Variants in ACCSL observed in about 807,000 individuals in gnomAD.
ACCSL encodes probable inactive 1-aminocyclopropane-1-carboxylate synthase-like protein 2.
Under a neutral mutation model 61.7 loss-of-function variants are expected in ACCSL, and 55 were observed. The ratio of observed to expected loss-of-function variants is 0.89; its 90% CI spans 0.72 to 1.12. The LOEUF is 1.12. Among genes scored for constraint, ACCSL ranks in the 50% most tolerant of loss-of-function variants. The pLI, the probability that ACCSL is intolerant of heterozygous loss-of-function variation, is 0.00. For synonymous variants in ACCSL, 258 were observed against 264.3 expected (o/e 0.98, Z 0.23); for missense variants, 632 against 698.0 (o/e 0.91, Z 1.07).
chr11:43,928,514 G>A, the ACCSL span, among the ~76,000 whole-genome samples: 219 of 152,272 alleles, frequency 1.4e-3, no homozygotes, highest in Non-Finnish European at 2.4e-3. Flanking sequence ...TACCCCATCC[G>A]AGGAAACAGT....
chr11:43,990,788 C>T, the ACCSL span, among the ~76,000 whole-genome samples: 1 of 152,114 alleles, frequency 6.6e-6, no homozygotes, highest in Non-Finnish European at 1.5e-5. Flanking sequence ...CCCACTAAAG[C>T]CAGGGGTGTG....
the ACCSL span, among the ~76,000 whole-genome samples, chr11:43,962,460 A>G: frequency 6.6e-6 from 1 of 152,206 alleles, no homozygotes; most frequent in Non-Finnish European, 1.5e-5. Context: ...ACAGAGATGA[A>G]AGGAAAAGGC....
the ACCSL span, among the ~76,000 whole-genome samples, chr11:43,970,257 G>A: frequency 6.6e-6 from 1 of 152,150 alleles, no homozygotes; most frequent in African/African-American, 2.4e-5. Flanking sequence ...TCAGGCTGGA[G>A]TGCAGTAGTA....
At chr11:43,921,632 A>T in the ACCSL span, among the ~76,000 whole-genome samples, 1 of 152,204 alleles carries the variant, frequency 6.6e-6, no homozygotes, top group African/African-American at 2.4e-5. Context: ...AAGAACTGGC[A>T]GATGGTTCCA....
At chr11:44,017,196 C>A in the ACCSL span, among the ~76,000 whole-genome samples, 12 of 152,162 alleles carry the variant, frequency 7.9e-5, no homozygotes, top group Non-Finnish European at 4.4e-5. Context: ...TGGGCTGTTC[C>A]AGGATGGCTT....
the ACCSL span, among the ~76,000 whole-genome samples, chr11:44,028,866 T>C: frequency 6.6e-6 from 1 of 152,174 alleles, no homozygotes; most frequent in Non-Finnish European, 1.5e-5. Flanking sequence ...CACAAAGTAG[T>C]AGAAAAATGA....
At chr11:43,940,875 T>G in the ACCSL span, among the ~76,000 whole-genome samples, 1 of 152,212 alleles carries the variant, frequency 6.6e-6, no homozygotes, top group African/African-American at 2.4e-5. Context: ...CTTTGTCCAT[T>G]GCAGGGCAAA....
chr11:44,001,860 C>T, the ACCSL span, among the ~76,000 whole-genome samples: 1 of 149,498 alleles, frequency 6.7e-6, no homozygotes, highest in Non-Finnish European at 1.5e-5. Context: ...CAGGCTCCTT[C>T]TTCCTCCCCA....
chr11:43,935,640 A>T, the ACCSL span, among the ~76,000 whole-genome samples: 1 of 152,326 alleles, frequency 6.6e-6, no homozygotes, highest in Non-Finnish European at 1.5e-5. Flanking sequence ...TCGACAGATG[A>T]CTTTTATTTT....
the ACCSL span, among the ~76,000 whole-genome samples, chr11:43,962,177 T>C: frequency 6.6e-6 from 1 of 151,790 alleles, no homozygotes; most frequent in East Asian, 1.9e-4. Flanking sequence ...GTACTAAGAG[T>C]GAGGCGCTGC....
the ACCSL span, among the ~76,000 whole-genome samples, chr11:43,936,080 C>A: frequency 6.6e-6 from 1 of 152,184 alleles, no homozygotes; most frequent in East Asian, 1.9e-4. Flanking sequence ...GGCTGTCAGG[C>A]CTTTGGAGGA....
chr11:44,002,428 G>A, the ACCSL span, among the ~76,000 whole-genome samples: 1 of 152,176 alleles, frequency 6.6e-6, no homozygotes, highest in Admixed American at 6.5e-5. Flanking sequence ...CTAGGGAAAG[G>A]TTACGCTGGG....
At chr11:44,052,872 T>A (rs770385973) in intron 6 of ACCSL, 113 bp downstream of exon 6, 37 of 1,435,352 alleles carry the variant, frequency 2.6e-5, no homozygotes, top group Non-Finnish European at 3.5e-5. Context: ...TGGGTAGGGG[T>A]GGAGAAGGCA....
At chr11:44,046,938 A>G (rs557068425), upstream of ACCSL, among the ~76,000 whole-genome samples, 7 of 152,280 alleles carry the variant, frequency 4.6e-5, no homozygotes, top group East Asian at 5.8e-4. Flanking sequence ...GGTTAATCCT[A>G]ATCGTTGGAA....
the ACCSL span, among the ~76,000 whole-genome samples, chr11:43,965,050 T>C: frequency 6.6e-6 from 1 of 152,236 alleles, no homozygotes; most frequent in South Asian, 2.1e-4. Flanking sequence ...TGCCTGCTTT[T>C]GCCATTGCTA....
chr11:43,981,289 T>A, the ACCSL span, among the ~76,000 whole-genome samples: 2 of 152,096 alleles, frequency 1.3e-5, no homozygotes, highest in African/African-American at 4.8e-5. Context: ...TGAGGTCAGC[T>A]CCTAGAGGGC....
chr11:43,971,362 G>A, the ACCSL span: 1 of 152,048 alleles, frequency 6.6e-6, no homozygotes, highest in Non-Finnish European at 1.5e-5. Context: ...TATGTGCCAG[G>A]TGCTGTTCTA....
chr11:44,012,804 A>G, the ACCSL span, among the ~76,000 whole-genome samples: 1 of 152,214 alleles, frequency 6.6e-6, no homozygotes, highest in African/African-American at 2.4e-5. Context: ...GGCCTAATAC[A>G]TTGTGGTCCC....
chr11:43,928,120 G>C, the ACCSL span, among the ~76,000 whole-genome samples: 1 of 152,172 alleles, frequency 6.6e-6, no homozygotes, highest in Non-Finnish European at 1.5e-5. Flanking sequence ...AAAGGCTGAT[G>C]AGCAGGGAGG....
Sources: gnomAD v4.1 joint callset for allele counts (sites outside exome capture counted in the v4.1 genomes callset) on GRCh38, gnomAD v4.1.1 for gene constraint, MANE v1.5 for transcripts, NCBI Gene and HGNC (gene_info 2026-07-23, HGNC 2026-07-21) for gene names.